Variants in INPP4B observed in about 807,000 individuals in gnomAD.
INPP4B encodes the protein inositol polyphosphate-4-phosphatase type II B.
A neutral mutation model predicts 122.5 loss-of-function variants in INPP4B; 55 were observed. The observed-to-expected ratio is 0.45, with a 90% CI of 0.36 to 0.56. The LOEUF (loss-of-function observed/expected upper bound fraction) is 0.56, where lower values mean the gene tolerates loss of function less well. Ranked by LOEUF, INPP4B falls within the 20% of genes least tolerant of loss-of-function variation. INPP4B has a pLI of 0.00. For synonymous variants in INPP4B, 403 were observed against 388.7 expected, an observed-to-expected ratio of 1.04 and a Z score of -0.43; for missense variants, 1,000 against 1,097.7, an observed-to-expected ratio of 0.91 and a Z score of 1.26.
chr4:142,109,695 C>T (rs1789017092), intron 22 of INPP4B, among the ~76,000 whole-genome samples: 1 of 152,180 alleles, frequency 6.6e-6, no homozygotes, highest in African/African-American at 2.4e-5. Context: ...GATTCATCTC[C>T]CTTCTGTGAA....
intron 18 of INPP4B, among the ~76,000 whole-genome samples, chr4:142,131,047 G>C (rs1273704764): frequency 6.6e-6 from 1 of 152,182 alleles, no homozygotes; most frequent in Non-Finnish European, 1.5e-5. Context: ...AACAAGCCTT[G>C]TATTTGTTGT....
At chr4:142,253,659 C>T (rs190776119) in intron 11 of INPP4B, among the ~76,000 whole-genome samples, 5 of 152,332 alleles carry the variant, frequency 3.3e-5, no homozygotes, top group East Asian at 1.9e-4. Flanking sequence ...GCTTAAAAAA[C>T]GGCGCACCAG....
At chr4:142,268,348 G>GAAAAAAAAAA (rs1383781390) in intron 10 of INPP4B, among the ~76,000 whole-genome samples, 1 of 26,770 alleles carries the variant, frequency 3.7e-5, no homozygotes, top group African/African-American at 8.4e-5. Context: ...AAAAAAAAAT[G>GAAAAAAAAAA]AGGGGTAAGT....
At chr4:142,423,992 TTG>T (rs1807506469) in intron 5 of INPP4B, among the ~76,000 whole-genome samples, 1 of 152,020 alleles carries the variant, frequency 6.6e-6, no homozygotes, top group South Asian at 2.1e-4. Flanking sequence ...TAATGATTTA[TTG>T]TGTGTCTTTT....
At chr4:142,359,619 T>C (rs1292129865) in intron 7 of INPP4B, among the ~76,000 whole-genome samples, 1 of 151,966 alleles carries the variant, frequency 6.6e-6, no homozygotes, top group Non-Finnish European at 1.5e-5. Context: ...TAACTATTTA[T>C]CAGATAACAA....
chr4:142,680,076 G>A (rs1758409906), intron 2 of INPP4B, among the ~76,000 whole-genome samples: 1 of 151,746 alleles, frequency 6.6e-6, no homozygotes, highest in South Asian at 2.1e-4. Context: ...CATCCACTTT[G>A]AGTTCTGATT....
intron 23 of INPP4B, among the ~76,000 whole-genome samples, chr4:142,103,873 T>A (rs1235845406): frequency 6.6e-6 from 1 of 151,568 alleles, no homozygotes; most frequent in East Asian, 1.9e-4. Flanking sequence ...CAGTACTAAA[T>A]TTTTTTTTCT....
chr4:142,754,522 A>G (rs984668007), intron 1 of INPP4B, among the ~76,000 whole-genome samples: 2 of 152,000 alleles, frequency 1.3e-5, no homozygotes, highest in Non-Finnish European at 2.9e-5. Context: ...GTCTTTAAAA[A>G]TTCTTGGAGT....
chr4:142,393,547 T>G (rs1798398871), intron 7 of INPP4B, among the ~76,000 whole-genome samples: 1 of 152,142 alleles, frequency 6.6e-6, no homozygotes, highest in African/African-American at 2.4e-5. Context: ...AAAGTTTTGG[T>G]CAATCTCTCA....
At chr4:142,518,564 A>T (rs555718845) in intron 2 of INPP4B, 1 of 152,182 alleles carries the variant, frequency 6.6e-6, no homozygotes, top group South Asian at 2.1e-4. Context: ...ACACACACTC[A>T]CATAACTCTC....
chr4:142,450,763 G>C (rs1813968020), intron 3 of INPP4B, among the ~76,000 whole-genome samples: 1 of 152,024 alleles, frequency 6.6e-6, no homozygotes, highest in Non-Finnish European at 1.5e-5. Flanking sequence ...TTACTAATTG[G>C]AGAAACACAG....
At chr4:142,196,041 T>G (rs1183279093) in intron 14 of INPP4B, among the ~76,000 whole-genome samples, 1 of 152,160 alleles carries the variant, frequency 6.6e-6, no homozygotes, top group African/African-American at 2.4e-5. Flanking sequence ...ACCGAGACAT[T>G]TTGAAATAGA....
At chr4:142,329,648 T>G (rs543680060) in intron 7 of INPP4B, among the ~76,000 whole-genome samples, 1 of 152,166 alleles carries the variant, frequency 6.6e-6, no homozygotes, top group East Asian at 1.9e-4. Flanking sequence ...TCAAGCTAGA[T>G]ATGCAGGTTT....
chr4:142,385,353 G>T (rs959204604), intron 7 of INPP4B, among the ~76,000 whole-genome samples: 4 of 150,008 alleles, frequency 2.7e-5, no homozygotes, highest in Non-Finnish European at 4.4e-5. Flanking sequence ...ATTCTCTAAT[G>T]ATCAGTGATA....
intron 25 of INPP4B, among the ~76,000 whole-genome samples, chr4:142,047,645 ATC>A (rs1283238620): frequency 6.6e-6 from 1 of 152,038 alleles, no homozygotes; most frequent in Non-Finnish European, 1.5e-5. Context: ...ATAAAGCAGA[ATC>A]TCTCCTCTCA....
intron 2 of INPP4B, among the ~76,000 whole-genome samples, chr4:142,636,263 G>A (rs1416150688): frequency 2.0e-5 from 3 of 151,918 alleles, no homozygotes; most frequent in Non-Finnish European, 2.9e-5. Flanking sequence ...CCAAGTCTCG[G>A]GTATTTCTTT....
intron 1 of INPP4B, among the ~76,000 whole-genome samples, chr4:142,798,917 C>T (rs1214240814): frequency 2.0e-5 from 3 of 150,512 alleles, no homozygotes; most frequent in East Asian, 1.9e-4. Flanking sequence ...GAACAAAAAC[C>T]GGAAATGGTG....
intron 1 of INPP4B, among the ~76,000 whole-genome samples, chr4:142,728,949 TAA>T (rs5862609): frequency 3.0e-4 from 45 of 151,936 alleles, no homozygotes; most frequent in Non-Finnish European, 5.0e-4. Context: ...TAGAACTTAT[TAA>T]AAAAAAATCT....
At chr4:142,439,677 C>T (rs1427418084) in intron 3 of INPP4B, among the ~76,000 whole-genome samples, 1 of 152,286 alleles carries the variant, frequency 6.6e-6, no homozygotes, top group East Asian at 1.9e-4. Flanking sequence ...AAGAAACTCT[C>T]TAATGTTGGT....
Sources: allele counts gnomAD v4.1 joint callset (sites outside exome capture counted in the v4.1 genomes callset), GRCh38; gene constraint gnomAD v4.1.1; transcripts MANE v1.5; gene names NCBI Gene and HGNC (gene_info 2026-07-23, HGNC 2026-07-21).